ASH1L: variants seen among roughly 807,000 people sequenced by gnomAD.
ASH1L encodes ASH1 like histone lysine methyltransferase.
In ASH1L, 23 loss-of-function variants were observed where a neutral mutation model predicts 269.0. That is an observed-to-expected ratio of 0.09 (90% CI 0.06 to 0.12). ASH1L has a LOEUF of 0.12. Among genes scored for constraint, ASH1L ranks in the 10% least tolerant of loss-of-function variants. ASH1L has a pLI of 1.00. For synonymous variants in ASH1L, 1,187 were observed against 1,253.5 expected, an observed-to-expected ratio of 0.95 and a Z score of 1.12; for missense variants, 2,912 against 3,567.8, an observed-to-expected ratio of 0.82 and a Z score of 4.68.
chr1:155,548,591 T>G (rs1270091815), intron 1 of ASH1L, among the ~76,000 whole-genome samples: 1 of 152,226 alleles, frequency 6.6e-6, no homozygotes, highest in Non-Finnish European at 1.5e-5. Flanking sequence ...ACATCTTGAC[T>G]AGTTAGTACT....
intron 2 of ASH1L, among the ~76,000 whole-genome samples, chr1:155,492,148 G>A (rs544487959): frequency 4.3e-4 from 64 of 149,110 alleles, no homozygotes; most frequent in African/African-American, 1.6e-3. Flanking sequence ...TGATTCTCCT[G>A]CCTCAGCCTC....
chr1:155,367,999 C>A (rs1352881494), intron 12 of ASH1L, among the ~76,000 whole-genome samples: 1 of 151,918 alleles, frequency 6.6e-6, no homozygotes, highest in African/African-American at 2.4e-5. Context: ...ATTATTTCTT[C>A]TTCTTCGTCT....
intron 10 of ASH1L, among the ~76,000 whole-genome samples, chr1:155,372,773 A>G (rs1381003596): frequency 6.6e-6 from 1 of 152,146 alleles, no homozygotes; most frequent in African/African-American, 2.4e-5. Context: ...TACCACACCC[A>G]GCCTTAACCA....
chr1:155,439,906 C>T (rs993064486), intron 4 of ASH1L, among the ~76,000 whole-genome samples: 1 of 150,808 alleles, frequency 6.6e-6, no homozygotes. Flanking sequence ...TCTCAAATTA[C>T]CAATAACTTT....
At chr1:155,411,964 G>A (rs1193156962) in intron 6 of ASH1L, among the ~76,000 whole-genome samples, 4 of 151,920 alleles carry the variant, frequency 2.6e-5, no homozygotes, top group Admixed American at 1.3e-4. Flanking sequence ...AAAAGAGGCC[G>A]GGCGCTGTGG....
At chr1:155,407,386 T>TTA (rs1659385587) in intron 6 of ASH1L, among the ~76,000 whole-genome samples, 1 of 152,142 alleles carries the variant, frequency 6.6e-6, no homozygotes, top group South Asian at 2.1e-4. Flanking sequence ...ATTTACAATA[T>TTA]TATATATACA....
chr1:155,474,549 A>G (rs1464735433), intron 3 of ASH1L, among the ~76,000 whole-genome samples: 1 of 152,146 alleles, frequency 6.6e-6, no homozygotes, highest in Non-Finnish European at 1.5e-5. Flanking sequence ...AATACAAAGA[A>G]ATTAGCCTGG....
At chr1:155,429,478 A>G (rs2148589938) in intron 5 of ASH1L, among the ~76,000 whole-genome samples, 1 of 150,766 alleles carries the variant, frequency 6.6e-6, no homozygotes, top group African/African-American at 2.4e-5. Context: ...TGCCTAGGCT[A>G]CTCTCAAACT....
Position 155,478,601 on chromosome 1 carries a change from A to C in ASH1L, c.4269T>G (p.Pro1423=). The C allele has an allele frequency of 6.2e-7, 1 of 1,614,002 alleles. No homozygotes were observed. Among genetic ancestry groups the C allele is most frequent in the Non-Finnish European group, 8.5e-7 (1 of 1,180,008 alleles). Residue 1423 remains proline, a synonymous_variant, in exon 3 of 28, where the codon CCT becomes CCG. Transcript: ENST00000392403. This position sits in a 1 kb window ranked among gnomAD's most constrained non-coding sequence, Gnocchi z 4.6. ...AATGACCAGCATGCATATAGGAAGG[A>C]GGTGGAAGTGGCGTGGTGAAAGAAG... ...PSPSFTTPLP[P]PSYMHAGHLL... is the part of the protein sequence containing the mutation.
At chr1:155,365,603 C>T (rs1655350120) in intron 12 of ASH1L, among the ~76,000 whole-genome samples, 1 of 152,042 alleles carries the variant, frequency 6.6e-6, no homozygotes, top group South Asian at 2.1e-4. Context: ...CTCATTTCTC[C>T]AAAATCTGGA....
At chr1:155,383,818 G>A (rs902235732) in intron 7 of ASH1L, among the ~76,000 whole-genome samples, 2 of 152,116 alleles carry the variant, frequency 1.3e-5, no homozygotes, top group African/African-American at 4.8e-5. Context: ...GTTACAGTAG[G>A]GGATAATGAA....
At chr1:155,461,082 T>G (rs1268151935) in intron 3 of ASH1L, among the ~76,000 whole-genome samples, 1 of 152,162 alleles carries the variant, frequency 6.6e-6, no homozygotes, top group African/African-American at 2.4e-5. Flanking sequence ...AAAACTTACA[T>G]GTAACTGGAG....
chr1:155,478,180 A>T lies in ASH1L; in HGVS notation c.4690T>A (p.Ser1564Thr), dbSNP rs1245880224. 5 of 1,614,002 alleles carry T rather than the reference A, an allele frequency of 3.1e-6. No homozygotes were observed. The East Asian group carries it at 1.1e-4, about 36-fold the overall frequency. Residue 1564 changes from serine (S) to threonine (T), a missense_variant, in exon 3 of 28, where the codon TCT becomes ACT. This residue lies in a region of ASH1L where 789 missense variants were observed against 897.6 expected (regional missense o/e 0.88). Coordinates refer to ENST00000392403, the MANE Select transcript of ASH1L (RefSeq NM_018489.3). The surrounding 1 kb of genome is among the most constrained non-coding windows in gnomAD (Gnocchi z 4.6). ...TGCAATCCCAAGGCCAATGGACTAG[A>T]TTCTGAAGGCTCTCGGTGGACCCAC... ...EQWVHREPSE[S>T]SPLALGLQTP...
intron 7 of ASH1L, among the ~76,000 whole-genome samples, chr1:155,384,034 T>A (rs910850810): frequency 3.9e-5 from 6 of 152,212 alleles, no homozygotes; most frequent in Admixed American, 2.0e-4. Flanking sequence ...TTAATAAAGT[T>A]GCTAAAACAA....
At chr1:155,560,263 C>A (rs147473764) in intron 1 of ASH1L, among the ~76,000 whole-genome samples, 1 of 152,036 alleles carries the variant, frequency 6.6e-6, no homozygotes, top group Admixed American at 6.6e-5. Context: ...ACTTGAGGGC[C>A]CAGTGTCTTT....
intron 1 of ASH1L, among the ~76,000 whole-genome samples, chr1:155,554,695 T>TA (rs1310000837): frequency 6.6e-6 from 1 of 151,882 alleles, no homozygotes; most frequent in Non-Finnish European, 1.5e-5. Flanking sequence ...ATCTGAGATT[T>TA]AAAAAACAAA....
At chr1:155,544,949 G>T (rs1670686573) in intron 1 of ASH1L, among the ~76,000 whole-genome samples, 1 of 151,044 alleles carries the variant, frequency 6.6e-6, no homozygotes, top group Non-Finnish European at 1.5e-5. Context: ...GAGGCGGGCG[G>T]ATCACCTGAG....
chr1:155,400,648 C>T (rs1296035525), intron 6 of ASH1L, among the ~76,000 whole-genome samples: 1 of 152,208 alleles, frequency 6.6e-6, no homozygotes, highest in African/African-American at 2.4e-5. Flanking sequence ...CTATATTCCA[C>T]TGGCAGTTAA....
chr1:155,375,665 C>T (rs1040767057), intron 10 of ASH1L, among the ~76,000 whole-genome samples: 1 of 152,016 alleles, frequency 6.6e-6, no homozygotes, highest in Non-Finnish European at 1.5e-5. Context: ...TGGCAGGTGC[C>T]TGTAAATCCC....
Sources: allele counts gnomAD v4.1 joint callset (sites outside exome capture counted in the v4.1 genomes callset), GRCh38; gene constraint gnomAD v4.1.1; regional missense constraint gnomAD v4.1.1; non-coding constraint Gnocchi (gnomAD v3.1); transcripts MANE v1.5; gene names NCBI Gene and HGNC (gene_info 2026-07-23, HGNC 2026-07-21).